SGCZ: variants seen among roughly 807,000 people sequenced by gnomAD.
The protein encoded by SGCZ is sarcoglycan zeta.
In SGCZ, 40 loss-of-function variants were observed where a neutral mutation model predicts 41.3. The observed-to-expected ratio is 0.97, with a 90% confidence interval of 0.75 to 1.26. SGCZ has a LOEUF of 1.26. SGCZ is among the 50% of genes most tolerant of loss of function. SGCZ has a pLI of 0.00. For missense variants in SGCZ, 552 were observed against 369.8 expected (o/e 1.49, Z -4.04); for synonymous variants, 206 against 137.5 (o/e 1.50, Z -3.49).
In SGCZ at chr8:15,109,825, T is replaced by C. The variant is rs532050678; in HGVS notation, c.39+127760A>G. 1.7e-3 allele frequency among the ~76,000 whole-genome samples: 263 copies of C among 152,298 alleles called. 1 individual carries two copies. The highest frequency in any genetic ancestry group is 3.4e-3 in the Non-Finnish European group (229 of 68,032). On this transcript the variant is annotated intron_variant, in intron 1 of 7. Transcript: ENST00000382080. Reference sequence around the variant, plus strand: ...ACAGGTGACATTGCAGAAATAGATATGGTTACTCTCATAACAGCATTATCA... The same window carrying C: ...ACAGGTGACATTGCAGAAATAGATACGGTTACTCTCATAACAGCATTATCA...
At chr8:14,629,917 T>G (rs1394006072) in intron 1 of SGCZ, among the ~76,000 whole-genome samples, 1 of 151,708 alleles carries the variant, frequency 6.6e-6, no homozygotes, top group Non-Finnish European at 1.5e-5. Flanking sequence ...GCCTAAAGAG[T>G]GGTGTTTGCA....
chr8:14,878,286 C>T (rs1804444681), intron 1 of SGCZ, among the ~76,000 whole-genome samples: 1 of 150,696 alleles, frequency 6.6e-6, no homozygotes, highest in Admixed American at 6.6e-5. Flanking sequence ...TAAAAGTTTC[C>T]TATATTAAGA....
In SGCZ at chr8:14,102,621, G is replaced by A. The variant is rs138704553; in HGVS notation, c.621-122C>T. 3.6e-4 allele frequency: 337 copies of A among 929,768 alleles called. 2 individuals carry two copies. The East Asian group carries it at 8.6e-3, about 24-fold the overall frequency. The allele number at this position is 929,768 out of a possible 1,614,324, so 57.6% of individuals were successfully genotyped here. On this transcript the variant is annotated intron_variant, in intron 6 of 7. Transcript: ENST00000382080. The stretch of plus-strand genomic sequence containing the variant: ...GGTCAAAACAACAACCAGACAGACA[G>A]GCATAAAGGAAAAGTCCTACCATTT...
At chr8:14,108,871 C>A (rs1802290114) in intron 5 of SGCZ, among the ~76,000 whole-genome samples, 1 of 152,158 alleles carries the variant, frequency 6.6e-6, no homozygotes, top group East Asian at 1.9e-4. Flanking sequence ...AACAAAAGCT[C>A]ATCTCTGTCC....
chr8:14,506,972 G>A (rs1802324178), intron 2 of SGCZ, among the ~76,000 whole-genome samples: 1 of 152,020 alleles, frequency 6.6e-6, no homozygotes, highest in South Asian at 2.1e-4. Flanking sequence ...ATCTTTCCGT[G>A]ATCTTATCTC....
chr8:15,098,244 GA>G, intron 1 of SGCZ, among the ~76,000 whole-genome samples: 1 of 151,890 alleles, frequency 6.6e-6, no homozygotes, highest in East Asian at 1.9e-4. Flanking sequence ...AATGAGAAAG[GA>G]AAAAAGGAAA....
intron 1 of SGCZ, among the ~76,000 whole-genome samples, chr8:14,963,962 A>T (rs1041470509): frequency 5.3e-5 from 8 of 152,172 alleles, no homozygotes; most frequent in African/African-American, 1.9e-4. Context: ...TAGCCCTCAA[A>T]TGATAGCACG....
chr8:14,722,100 CTCCTTT>C (rs1809905968), intron 1 of SGCZ, among the ~76,000 whole-genome samples: 1 of 152,120 alleles, frequency 6.6e-6, no homozygotes, highest in South Asian at 2.1e-4. Flanking sequence ...GTCTTGCTTT[CTCCTTT>C]TCCTTTTCCC....
chr8:14,972,356 TTTTC>T (rs768389697), intron 1 of SGCZ, among the ~76,000 whole-genome samples: 38 of 152,036 alleles, frequency 2.5e-4, no homozygotes, highest in Non-Finnish European at 4.9e-4. Context: ...AGTTGATTGA[TTTTC>T]TTTTTTCCAT....
At chr8:14,533,363 A>G (rs188116603) in intron 2 of SGCZ, among the ~76,000 whole-genome samples, 1 of 152,098 alleles carries the variant, frequency 6.6e-6, no homozygotes, top group Non-Finnish European at 1.5e-5. Context: ...TTATCAAATT[A>G]AAATATTTAA....
intron 1 of SGCZ, among the ~76,000 whole-genome samples, chr8:14,785,861 C>A (rs1185244603): frequency 6.6e-6 from 1 of 151,588 alleles, no homozygotes; most frequent in Non-Finnish European, 1.5e-5. Flanking sequence ...TACTTTCTCC[C>A]AAGGCTAATT....
chr8:14,811,445 A>G (rs1056469597), intron 1 of SGCZ, among the ~76,000 whole-genome samples: 2 of 151,478 alleles, frequency 1.3e-5, no homozygotes, highest in African/African-American at 4.8e-5. Context: ...AACAAAAACA[A>G]AAACAACCTG....
intron 1 of SGCZ, among the ~76,000 whole-genome samples, chr8:14,927,563 C>A (rs926888252): frequency 6.6e-6 from 1 of 150,794 alleles, no homozygotes; most frequent in South Asian, 2.1e-4. Context: ...GGGAGAGAGA[C>A]GAAATGAGAG....
intron 1 of SGCZ, among the ~76,000 whole-genome samples, chr8:15,133,659 G>C (rs930587585): frequency 2.6e-5 from 4 of 152,180 alleles, no homozygotes; most frequent in African/African-American, 9.6e-5. Context: ...ACTCTCTTAT[G>C]TTTACTTATG....
chr8:14,137,617 G>C (rs757596594), intron 5 of SGCZ, among the ~76,000 whole-genome samples: 2 of 152,072 alleles, frequency 1.3e-5, no homozygotes, highest in Non-Finnish European at 2.9e-5. Context: ...AGTGAGAAGA[G>C]AAGTTTAGAG....
chr8:14,763,366 T>C (rs1799947766), intron 1 of SGCZ, among the ~76,000 whole-genome samples: 1 of 151,968 alleles, frequency 6.6e-6, no homozygotes, highest in Admixed American at 6.6e-5. Context: ...AGCCACAGAG[T>C]CCAAAATCTC....
At chr8:14,571,501 T>C (rs1262603798) in intron 1 of SGCZ, among the ~76,000 whole-genome samples, 1 of 152,202 alleles carries the variant, frequency 6.6e-6, no homozygotes, top group Non-Finnish European at 1.5e-5. Context: ...ATATTCTGTG[T>C]GGTGACCAAA....
At chr8:14,774,397 C>G (rs1274124533) in intron 1 of SGCZ, among the ~76,000 whole-genome samples, 1 of 152,208 alleles carries the variant, frequency 6.6e-6, no homozygotes, top group Non-Finnish European at 1.5e-5. Flanking sequence ...TACTCCGCAA[C>G]AGGCTATCAT....
rs57898016 is a variant in SGCZ, at chr8:14,493,359, C to CTTT, written c.234+61370_234+61372dup. The stretch of plus-strand genomic sequence containing the variant: ...CATACTTTTCCCACTATCATCCTTT[C>CTTT]TTTTTTTTTTTTTTTTTTTTTTTTT... On this transcript the variant is annotated intron_variant, in intron 2 of 7. Coordinates refer to ENST00000382080, the MANE Select transcript of SGCZ (RefSeq NM_139167.4). Among the ~76,000 whole-genome samples, 67 of 44,278 alleles carry CTTT rather than the reference C, an allele frequency of 1.5e-3. 12 individuals carry two copies. Among genetic ancestry groups the CTTT allele is most frequent in the East Asian group, 2.9e-3 (3 of 1,048 alleles). 29.0% of individuals were successfully genotyped at this position (44,278 alleles called of 152,430 possible). A position where few individuals can be genotyped will look rare whatever the true frequency, so the allele number is the denominator to read the frequency against.
Sources: gnomAD v4.1 joint callset for allele counts (sites outside exome capture counted in the v4.1 genomes callset) on GRCh38, gnomAD v4.1.1 for gene constraint, MANE v1.5 for transcripts, NCBI Gene and HGNC (gene_info 2026-07-23, HGNC 2026-07-21) for gene names.